The following BICD1 variants were observed in gnomAD, a reference collection of about 807,000 sequenced individuals.
The protein encoded by BICD1 is BICD cargo adaptor 1, also known as protein bicaudal D homolog 1.
A neutral mutation model predicts 92.5 loss-of-function variants in BICD1; 35 were observed. That is an observed-to-expected ratio of 0.38 (90% CI 0.29 to 0.50). The LOEUF is 0.50. Among genes scored for constraint, BICD1 ranks in the 20% least tolerant of loss-of-function variants. The pLI, the probability that BICD1 is intolerant of heterozygous loss-of-function variation, is 0.93. For missense variants in BICD1, 950 were observed against 1,189.8 expected (o/e 0.80, Z 2.97); for synonymous variants, 429 against 465.1 (o/e 0.92, Z 1.00).
intron 2 of BICD1, among the ~76,000 whole-genome samples, chr12:32,235,588 G>A (rs527750721): frequency 2.0e-4 from 31 of 151,678 alleles, no homozygotes; most frequent in Non-Finnish European, 4.1e-4. Flanking sequence ...AAGGTTTGTG[G>A]CACCCCTACA....
chr12:32,113,830 CT>C (rs1247262447), intron 1 of BICD1, among the ~76,000 whole-genome samples: 3 of 151,900 alleles, frequency 2.0e-5, no homozygotes, highest in Non-Finnish European at 4.4e-5. Flanking sequence ...CTGCCTCAGC[CT>C]CCTGAATAGG....
intron 6 of BICD1, among the ~76,000 whole-genome samples, chr12:32,335,407 C>T (rs1002722850): frequency 2.7e-4 from 41 of 152,216 alleles, no homozygotes; most frequent in South Asian, 1.9e-3. Flanking sequence ...GCCTCGGCCT[C>T]CCAAAGTGCT....
At chr12:32,121,902 T>C (rs1037993186) in intron 1 of BICD1, among the ~76,000 whole-genome samples, 4 of 151,612 alleles carry the variant, frequency 2.6e-5, no homozygotes, top group African/African-American at 7.3e-5. Flanking sequence ...CAGCTTTGAC[T>C]TCCCAGGCTC....
chr12:32,194,380 G>T lies in BICD1; in HGVS notation c.214-21867G>T, dbSNP rs182415448. On this transcript the variant is annotated intron_variant, in intron 1 of 9. Transcript: ENST00000652176. ...AATTAGGCAAGAAAAAGAAACAAAA[G>T]ACATCCAAATTAGGGAAAGCTAAAT... Among the ~76,000 whole-genome samples, 4 of 152,254 alleles carry T rather than the reference G, an allele frequency of 2.6e-5. No individual in the cohort carries two copies. The East Asian group carries it at 7.7e-4, about 29-fold the overall frequency.
intron 1 of BICD1, among the ~76,000 whole-genome samples, chr12:32,172,676 A>T (rs1284178866): frequency 6.6e-6 from 1 of 152,098 alleles, no homozygotes; most frequent in Non-Finnish European, 1.5e-5. Context: ...GGTTTTTATG[A>T]ATGGTCAGTG....
At chr12:32,375,923 A>ACTAT (rs1939937584) in intron 9 of BICD1, among the ~76,000 whole-genome samples, 1 of 152,242 alleles carries the variant, frequency 6.6e-6, no homozygotes, top group East Asian at 1.9e-4. Context: ...ATTAATAGTA[A>ACTAT]TAATGAGCCT....
chr12:32,339,372 T>C (rs1045543970), intron 8 of BICD1: 3 of 991,286 alleles, frequency 3.0e-6, no homozygotes, highest in Admixed American at 6.1e-5. Context: ...GAGAGCCATA[T>C]GTATAACAAG....
At chr12:32,251,845 A>G (rs1946528838) in intron 2 of BICD1, among the ~76,000 whole-genome samples, 1 of 148,666 alleles carries the variant, frequency 6.7e-6, no homozygotes, top group South Asian at 2.1e-4. Flanking sequence ...CACTTTTGAT[A>G]CTTCTTTTTA....
chr12:32,292,931 T>C (rs1947761991), intron 2 of BICD1, among the ~76,000 whole-genome samples: 1 of 152,200 alleles, frequency 6.6e-6, no homozygotes, highest in South Asian at 2.1e-4. Context: ...GCCATATAAG[T>C]TTATGGAAAA....
chr12:32,293,851 A>T, intron 2 of BICD1, 143 bp from the exon 3 acceptor site: 1 of 749,060 alleles, frequency 1.3e-6, no homozygotes, highest in Non-Finnish European at 2.1e-6. Flanking sequence ...GACAGATACC[A>T]CTAAATTGCC....
rs1937869578 is a variant in BICD1 at position 32,331,503 on chromosome 12, G to A, written c.2100+2948G>A. Among the ~76,000 whole-genome samples, 7 of 152,292 alleles carry A rather than the reference G, an allele frequency of 4.6e-5. No individual in the cohort carries two copies. The South Asian group carries it at 1.5e-3, about 32-fold the overall frequency. On this transcript the variant is annotated intron_variant, in intron 5 of 9. Coordinates refer to ENST00000652176, the MANE Select transcript of BICD1 (RefSeq NM_001714.4). ...TTCAGATTTTGGATTTTGGACATTT[G>A]CATATATACATAATGAGTTATCTTG...
intron 1 of BICD1, among the ~76,000 whole-genome samples, chr12:32,117,023 G>A (rs916967923): frequency 8.6e-5 from 13 of 151,928 alleles, no homozygotes; most frequent in East Asian, 7.7e-4. Flanking sequence ...TCATTGATGC[G>A]TCTGTACTTG....
chr12:32,172,315 C>G (rs1310698951), intron 1 of BICD1, among the ~76,000 whole-genome samples: 3 of 152,174 alleles, frequency 2.0e-5, no homozygotes, highest in African/African-American at 7.2e-5. Context: ...AGACAAGTTT[C>G]CTTCACTCAA....
At chr12:32,239,414 A>C (rs1946171956) in intron 2 of BICD1, among the ~76,000 whole-genome samples, 1 of 149,944 alleles carries the variant, frequency 6.7e-6, no homozygotes, top group African/African-American at 2.5e-5. Context: ...TAAAAATACA[A>C]AATGAGCCGG....
At chr12:32,135,917 T>TGAA (rs10656560) in intron 1 of BICD1, among the ~76,000 whole-genome samples, 57,997 of 151,882 alleles carry the variant, frequency 0.38, 12,328 homozygotes, top group Middle Eastern at 0.6. Flanking sequence ...GAGAGGCGTG[T>TGAA]GGAGGATGAT....
At chr12:32,304,308 A>G (rs893082852) in intron 3 of BICD1, among the ~76,000 whole-genome samples, 1 of 152,222 alleles carries the variant, frequency 6.6e-6, no homozygotes, top group Non-Finnish European at 1.5e-5. Flanking sequence ...TTCAAGTTCA[A>G]ACTAATATAT....
At chr12:32,124,765 A>G (rs1942269825) in intron 1 of BICD1, among the ~76,000 whole-genome samples, 1 of 152,032 alleles carries the variant, frequency 6.6e-6, no homozygotes, top group Admixed American at 6.6e-5. Flanking sequence ...AAGGCTGGAG[A>G]GAGTGCTGCT....
chr12:32,133,883 G>A (rs1001287890), intron 1 of BICD1, among the ~76,000 whole-genome samples: 9 of 150,916 alleles, frequency 6.0e-5, no homozygotes, highest in East Asian at 2.0e-4. Flanking sequence ...CCGGGTTCAC[G>A]CCATTCTTCT....
chr12:32,373,666 T>C (rs2733691), intron 9 of BICD1, among the ~76,000 whole-genome samples: 1 of 150,036 alleles, frequency 6.7e-6, no homozygotes, highest in Non-Finnish European at 1.5e-5. Context: ...AGGTCAGGAG[T>C]TCGAGACTGT....
Sources: allele counts gnomAD v4.1 joint callset (sites outside exome capture counted in the v4.1 genomes callset), GRCh38; gene constraint gnomAD v4.1.1; transcripts MANE v1.5; gene names NCBI Gene and HGNC (gene_info 2026-07-23, HGNC 2026-07-21).